Variants in TNIK observed in about 807,000 individuals in gnomAD.
TNIK encodes the protein TRAF2 and NCK-interacting protein kinase.
In TNIK, 49 loss-of-function variants were observed where a neutral mutation model predicts 191.3. That is an observed-to-expected ratio of 0.26 (90% CI 0.20 to 0.32). The LOEUF is 0.32. Among genes scored for constraint, TNIK ranks in the 10% least tolerant of loss-of-function variants. The probability of loss-of-function intolerance (pLI) is 1.00; values close to 1 mark genes in which losing one functional copy is unlikely to be tolerated. For missense variants in TNIK, 1,155 were observed against 1,702.3 expected (o/e 0.68, Z 5.66); for synonymous variants, 594 against 600.9 (o/e 0.99, Z 0.17).
intron 1 of TNIK, among the ~76,000 whole-genome samples, chr3:171,422,296 A>G (rs939204233): frequency 3.9e-5 from 6 of 152,052 alleles, no homozygotes; most frequent in Non-Finnish European, 8.8e-5. Context: ...ATAAAGTAGT[A>G]AAAGACATAC....
In TNIK at chr3:171,306,113, C is replaced by T. The variant is rs559238087; in HGVS notation, c.123+63507G>A. ...TTTCCTTAGGAAACTAACACAGGAA[C>T]AGGAAACAAAATACCACATGTTCTC... On this transcript the variant is annotated intron_variant, in intron 2 of 32. Transcript: ENST00000436636. Among the ~76,000 whole-genome samples the T allele has an allele frequency of 3.9e-5, 6 of 152,142 alleles. No homozygotes were observed. In the East Asian group the frequency reaches 7.7e-4, roughly 20 times the overall value.
At chr3:171,426,627 C>G (rs1724667733) in intron 1 of TNIK, among the ~76,000 whole-genome samples, 1 of 152,072 alleles carries the variant, frequency 6.6e-6, no homozygotes, top group Non-Finnish European at 1.5e-5. Flanking sequence ...TTATTCAGGT[C>G]TACCTTGCTT....
At chr3:171,397,066 G>T (rs1720347321) in intron 1 of TNIK, among the ~76,000 whole-genome samples, 2 of 152,144 alleles carry the variant, frequency 1.3e-5, no homozygotes, top group South Asian at 4.2e-4. Flanking sequence ...GCAGGCAAGG[G>T]GTAGAAGGAA....
At chr3:171,264,912 A>G (rs74648194) in intron 2 of TNIK, among the ~76,000 whole-genome samples, 4,013 of 152,286 alleles carry the variant, frequency 0.026, 59 homozygotes, top group East Asian at 0.042. Context: ...GACCCCTGCC[A>G]TGAGAGAGGT....
rs763674689 is a variant in TNIK, at chr3:171,084,322, A to T, written c.3002T>A (p.Leu1001Gln). ...EEDEESSAAALFTSELLRQEQ... is the reference protein window; with the variant it reads ...EEDEESSAAAQFTSELLRQEQ... ...TTGCCTAAGAAGTTCGCTAGTAAAC[A>T]GAGCTTTGAGAAAAAGAATCAGAGA... is the stretch of plus-strand genomic sequence containing the variant. Residue 1001 changes from leucine to glutamine, a missense_variant, in exon 26 of 33, where the codon CTG becomes CAG. Transcript: ENST00000436636. 2 of 1,608,386 alleles carry T rather than the reference A, an allele frequency of 1.2e-6. No homozygotes were observed. The highest frequency in any genetic ancestry group is 1.7e-6 in the Non-Finnish European group (2 of 1,175,848).
At chr3:171,210,973 T>C (rs764228239) in intron 4 of TNIK, 143 bp downstream of exon 4, 1 of 1,075,446 alleles carries the variant, frequency 9.3e-7, no homozygotes, top group Non-Finnish European at 1.3e-6. Flanking sequence ...GAGAAAACCC[T>C]GAAAACAATA....
rs139414754 is a variant in TNIK, at chr3:171,361,421, C to T, written c.123+8199G>A. 1.4e-4 allele frequency among the ~76,000 whole-genome samples: 22 copies of T among 152,300 alleles called. No homozygotes were observed. In the East Asian group the frequency reaches 2.3e-3, roughly 16 times the overall value. On this transcript the variant is annotated intron_variant, in intron 2 of 32. Coordinates refer to ENST00000436636, the MANE Select transcript of TNIK (RefSeq NM_015028.4). Reference sequence around the variant, plus strand: ...ATGGCATCTAGCACACAGGCACCCACGAAGGTCTTCCCTCCATGTTCACAT... The same window carrying T: ...ATGGCATCTAGCACACAGGCACCCATGAAGGTCTTCCCTCCATGTTCACAT...
chr3:171,405,508 T>TAAAAAAAAAA (rs10635709), intron 1 of TNIK, among the ~76,000 whole-genome samples: 1 of 144,352 alleles, frequency 6.9e-6, no homozygotes, highest in Non-Finnish European at 1.5e-5. Context: ...CCAAATCTGG[T>TAAAAAAAAAA]AAAAAAAAAA....
intron 2 of TNIK, among the ~76,000 whole-genome samples, chr3:171,331,351 T>C (rs910110282): frequency 6.6e-6 from 1 of 152,224 alleles, no homozygotes; most frequent in Non-Finnish European, 1.5e-5. Flanking sequence ...TTTCTTAATA[T>C]TTTCTGTGAT....
intron 2 of TNIK, among the ~76,000 whole-genome samples, chr3:171,306,812 T>C (rs1753501311): frequency 1.3e-5 from 2 of 152,076 alleles, no homozygotes; most frequent in Non-Finnish European, 2.9e-5. Flanking sequence ...GCAGCAATGA[T>C]TCCCAGCGAT....
chr3:171,320,760 C>T (rs1560423838), intron 2 of TNIK, among the ~76,000 whole-genome samples: 1 of 152,180 alleles, frequency 6.6e-6, no homozygotes, highest in Non-Finnish European at 1.5e-5. Context: ...CCTCATATTT[C>T]TTAGAAAGCT....
At chr3:171,432,009 C>T (rs1005369520) in intron 1 of TNIK, among the ~76,000 whole-genome samples, 1 of 152,122 alleles carries the variant, frequency 6.6e-6, no homozygotes, top group African/African-American at 2.4e-5. Flanking sequence ...ACATGCAAAA[C>T]GTAATATATA....
chr3:171,328,686 C>T (rs1240029154), intron 2 of TNIK, among the ~76,000 whole-genome samples: 1 of 152,152 alleles, frequency 6.6e-6, no homozygotes, highest in Admixed American at 6.5e-5. Flanking sequence ...TTTAAATGTT[C>T]AATTAAAATG....
chr3:171,394,063 A>T (rs951432737), intron 1 of TNIK, among the ~76,000 whole-genome samples: 1 of 152,234 alleles, frequency 6.6e-6, no homozygotes, highest in Non-Finnish European at 1.5e-5. Context: ...GAGTACAGCC[A>T]TCTTTTCCCT....
At chr3:171,125,625 G>C (rs184387309) in intron 17 of TNIK, among the ~76,000 whole-genome samples, 9 of 152,260 alleles carry the variant, frequency 5.9e-5, no homozygotes, top group East Asian at 5.8e-4. Flanking sequence ...AATATGGATA[G>C]CAAAATGACA....
intron 2 of TNIK, among the ~76,000 whole-genome samples, chr3:171,278,752 A>C (rs1274769625): frequency 1.3e-5 from 2 of 152,244 alleles, no homozygotes; most frequent in African/African-American, 4.8e-5. Context: ...TCTTAGCATT[A>C]GCTAGTTCAC....
intron 2 of TNIK, among the ~76,000 whole-genome samples, chr3:171,230,937 C>T (rs890229402): frequency 2.0e-5 from 3 of 152,150 alleles, no homozygotes; most frequent in Non-Finnish European, 4.4e-5. Flanking sequence ...CTTGACTGCC[C>T]AACTCTAGTC....
chr3:171,126,190 G>GA (rs1441509544), intron 16 of TNIK, 39 bp from the exon 17 acceptor site: 7 of 1,385,768 alleles, frequency 5.1e-6, no homozygotes, highest in African/African-American at 1.5e-5. Flanking sequence ...ACTATTAGAA[G>GA]AAAAAAGAGA....
At chr3:171,404,585 TTCAG>T (rs575095775) in intron 1 of TNIK, among the ~76,000 whole-genome samples, 6 of 152,146 alleles carry the variant, frequency 3.9e-5, no homozygotes, top group Non-Finnish European at 5.9e-5. Flanking sequence ...CCTGCCAGCC[TTCAG>T]TCAAAGTCCT....
Sources: gnomAD v4.1 joint callset for allele counts (sites outside exome capture counted in the v4.1 genomes callset) on GRCh38, gnomAD v4.1.1 for gene constraint, MANE v1.5 for transcripts, NCBI Gene and HGNC (gene_info 2026-07-23, HGNC 2026-07-21) for gene names.